Variants in ITGB5 observed in about 807,000 individuals in gnomAD.
ITGB5 encodes the protein integrin subunit beta 5.
Under a neutral mutation model 84.8 loss-of-function variants are expected in ITGB5, and 38 were observed. The ratio of observed to expected loss-of-function variants is 0.45; its 90% CI spans 0.35 to 0.59. The LOEUF is 0.59. ITGB5 is among the 20% of genes least tolerant of loss of function. ITGB5 has a pLI of 0.01. For missense variants in ITGB5, 905 were observed against 1,034.5 expected, an observed-to-expected ratio of 0.87 and a Z score of 1.72; for synonymous variants, 393 against 414.4, an observed-to-expected ratio of 0.95 and a Z score of 0.63.
At chr3:124,819,457 G>C (rs1218271258) in intron 7 of ITGB5, among the ~76,000 whole-genome samples, 1 of 152,174 alleles carries the variant, frequency 6.6e-6, no homozygotes, top group Non-Finnish European at 1.5e-5. Context: ...CTCTAGTAGA[G>C]TGTGCCTCTC....
rs59446328 is a variant in ITGB5 at position 124,865,481 on chromosome 3, CTTTTTTTT to C, written c.157-6043_157-6036del. ...TTGAAGTGTCCTTTGCGGCTTTTTT[CTTTTTTTT>C]TTTTTTTTTTTTTGAGAGACTGGGT... On this transcript the variant is annotated intron_variant, in intron 2 of 14. Coordinates refer to ENST00000296181, the MANE Select transcript of ITGB5 (RefSeq NM_002213.5). Among the ~76,000 whole-genome samples, 152 of 93,298 alleles carry C rather than the reference CTTTTTTTT, an allele frequency of 1.6e-3. 1 individual carries two copies. The highest frequency in any genetic ancestry group is 2.5e-3 in the Admixed American group (19 of 7,566). 61.2% of individuals were successfully genotyped at this position (93,298 alleles called of 152,430 possible). A position where few individuals can be genotyped will look rare whatever the true frequency, so the allele number is the denominator to read the frequency against.
chr3:124,798,817 C>G (rs2064273110), intron 9 of ITGB5, among the ~76,000 whole-genome samples: 1 of 152,204 alleles, frequency 6.6e-6, no homozygotes, highest in African/African-American at 2.4e-5. Context: ...TCTAAAAGGC[C>G]TCCCCTCAGA....
chr3:124,766,485 C>T (rs901167561), intron 12 of ITGB5, 140 bp from the exon 13 acceptor site: 2 of 1,002,464 alleles, frequency 2.0e-6, no homozygotes, highest in Admixed American at 4.9e-5. Flanking sequence ...GGAGGCTGGG[C>T]CTTTGAAGAT....
At chr3:124,815,211 T>C (rs996893999) in intron 8 of ITGB5, among the ~76,000 whole-genome samples, 3 of 152,180 alleles carry the variant, frequency 2.0e-5, no homozygotes, top group East Asian at 1.9e-4. Flanking sequence ...ACCAGTCACA[T>C]AGAAGCTGGC....
Position 124,771,748 on chromosome 3 carries a change from C to CAAAAAAAAAAAAAAA in ITGB5, c.1916+1927_1916+1941dup, listed in dbSNP as rs59189728. 3.9e-4 allele frequency among the ~76,000 whole-genome samples: 27 copies of CAAAAAAAAAAAAAAA among 69,162 alleles called. 1 individual carries two copies. The highest frequency in any genetic ancestry group is 9.0e-4 in the East Asian group (2 of 2,228). The allele number at this position is 69,162 out of a possible 152,430, so 45.4% of individuals were successfully genotyped here. On this transcript the variant is annotated intron_variant, in intron 11 of 14. Transcript: ENST00000296181. ...GGGTGGCGGGAGTGAGACCCTGTCT[C>CAAAAAAAAAAAAAAA]AAAAAAAAAAAAAAAAAAAGGAATC...
chr3:124,833,225 C>T, intron 5 of ITGB5, among the ~76,000 whole-genome samples: 1 of 152,156 alleles, frequency 6.6e-6, no homozygotes. Context: ...CAGCAATGTG[C>T]AGGATGACAT....
intron 4 of ITGB5, among the ~76,000 whole-genome samples, chr3:124,846,296 C>G (rs906086645): frequency 6.6e-6 from 1 of 152,074 alleles, no homozygotes; most frequent in Non-Finnish European, 1.5e-5. Flanking sequence ...ACAGCTCTCT[C>G]CCCTTGGTGG....
intron 7 of ITGB5, among the ~76,000 whole-genome samples, chr3:124,818,418 C>T (rs548694838): frequency 7.8e-4 from 118 of 151,490 alleles, no homozygotes; most frequent in Admixed American, 2.2e-3. Flanking sequence ...TGGACTTCTT[C>T]CCTCTGGAAA....
chr3:124,768,370 C>T (rs2063795659), intron 12 of ITGB5, among the ~76,000 whole-genome samples: 1 of 152,246 alleles, frequency 6.6e-6, no homozygotes, highest in Non-Finnish European at 1.5e-5. Flanking sequence ...ATATTTCCAT[C>T]ACCACAGAAA....
Position 124,763,610 on chromosome 3 carries a change from G to T in ITGB5, c.*13C>A. 1 of 1,530,118 alleles carries T rather than the reference G, an allele frequency of 6.5e-7. No individual in the cohort carries two copies. Among genetic ancestry groups the T allele is most frequent in the Non-Finnish European group, 9.1e-7 (1 of 1,103,300 alleles). The allele number at this position is 1,530,118 out of a possible 1,614,324, so 94.8% of individuals were successfully genotyped here. On this transcript the variant is annotated 3_prime_UTR_variant, in exon 15 of 15. Transcript: ENST00000296181. Reference sequence around the variant, plus strand: ...CATCAGATCCCCGCTCCAGCCCCTCGGAGAAGGAAACATCAGTCCACAGTG... The same window carrying T: ...CATCAGATCCCCGCTCCAGCCCCTCTGAGAAGGAAACATCAGTCCACAGTG...
At chr3:124,859,208 C>T (rs759462875) in intron 3 of ITGB5, 34 bp downstream of exon 3, 11 of 1,599,694 alleles carry the variant, frequency 6.9e-6, no homozygotes, top group Non-Finnish European at 9.4e-6. Flanking sequence ...CTTCCTGATC[C>T]CAGAGCATCC....
chr3:124,890,134 C>T (rs986805519), upstream of ITGB5, among the ~76,000 whole-genome samples: 3 of 149,916 alleles, frequency 2.0e-5, no homozygotes, highest in Non-Finnish European at 4.4e-5. Flanking sequence ...ATGGACGGGG[C>T]GTGGAGTCCT....
intron 4 of ITGB5, among the ~76,000 whole-genome samples, chr3:124,846,928 C>CCG (rs1440852670): frequency 1.3e-5 from 2 of 152,034 alleles, no homozygotes; most frequent in African/African-American, 2.4e-5. Context: ...GAGCAAGACT[C>CCG]CGTCTCAAAA....
chr3:124,831,303 C>T (rs147190178), intron 5 of ITGB5, among the ~76,000 whole-genome samples: 1 of 152,270 alleles, frequency 6.6e-6, no homozygotes, highest in Non-Finnish European at 1.5e-5. Context: ...AGGAACTAGG[C>T]TGGAAAAGTG....
At chr3:124,792,231 TATA>T (rs1429908152) in intron 10 of ITGB5, 1 of 152,180 alleles carries the variant, frequency 6.6e-6, no homozygotes, top group African/African-American at 2.4e-5. Context: ...CTCCTTAGGA[TATA>T]ATATTATAGG....
intron 1 of ITGB5, among the ~76,000 whole-genome samples, chr3:124,884,373 T>TCCA (rs1017866023): frequency 7.2e-5 from 11 of 151,952 alleles, no homozygotes; most frequent in Non-Finnish European, 1.3e-4. Context: ...CATGGCTTGC[T>TCCA]CCACCACCAC....
At chr3:124,766,385 A>G in intron 12 of ITGB5, 40 bp from the exon 13 acceptor site, 1 of 1,608,100 alleles carries the variant, frequency 6.2e-7, no homozygotes, top group Non-Finnish European at 8.5e-7. Context: ...AGTCTCTCTG[A>G]GCAGCCCACA....
chr3:124,830,454 C>A (rs73860422), intron 5 of ITGB5, among the ~76,000 whole-genome samples: 5,520 of 152,320 alleles, frequency 0.036, 340 homozygotes, highest in African/African-American at 0.13. Context: ...AGAGGGTGCA[C>A]TGCTGAGAAC....
chr3:124,848,077 G>A (rs1014917335), intron 4 of ITGB5, among the ~76,000 whole-genome samples: 2 of 152,152 alleles, frequency 1.3e-5, no homozygotes, highest in East Asian at 1.9e-4. Flanking sequence ...ATGGCAGGCA[G>A]GAAAATCAAG....
Sources: allele counts gnomAD v4.1 joint callset (sites outside exome capture counted in the v4.1 genomes callset), GRCh38; gene constraint gnomAD v4.1.1; transcripts MANE v1.5; gene names NCBI Gene and HGNC (gene_info 2026-07-23, HGNC 2026-07-21).